Variants in ASPH observed in about 807,000 individuals in gnomAD.
ASPH encodes aspartate beta-hydroxylase, also known as aspartyl/asparaginyl beta-hydroxylase.
Under a neutral mutation model 118.4 loss-of-function variants are expected in ASPH, and 100 were observed. The ratio of observed to expected loss-of-function variants is 0.84; its 90% CI spans 0.72 to 1.00. The LOEUF (loss-of-function observed/expected upper bound fraction) is 1.00, where lower values mean the gene tolerates loss of function less well. Among genes scored for constraint, ASPH ranks in the 50% least tolerant of loss-of-function variants. The probability of loss-of-function intolerance (pLI) is 0.00; values close to 1 mark genes in which losing one functional copy is unlikely to be tolerated. For missense variants in ASPH, 920 were observed against 919.5 expected, an observed-to-expected ratio of 1.00 and a Z score of -0.01; for synonymous variants, 315 against 325.6, an observed-to-expected ratio of 0.97 and a Z score of 0.35.
At chr8:61,548,888 C>T (rs181784043) in intron 20 of ASPH, among the ~76,000 whole-genome samples, 2 of 152,284 alleles carry the variant, frequency 1.3e-5, no homozygotes, top group Non-Finnish European at 2.9e-5. Context: ...CATGATACTA[C>T]TTGCCTCCAA....
chr8:61,589,302 C>T (rs1487127759), intron 14 of ASPH, among the ~76,000 whole-genome samples: 1 of 152,138 alleles, frequency 6.6e-6, no homozygotes, highest in Non-Finnish European at 1.5e-5. Context: ...AGATAAGCTC[C>T]ATGATTCTCA....
intron 18 of ASPH, among the ~76,000 whole-genome samples, chr8:61,560,285 G>A (rs1829355084): frequency 6.6e-6 from 1 of 152,154 alleles, no homozygotes. Flanking sequence ...AATCCCAGGA[G>A]GGGCCGCAAA....
chr8:61,561,083 G>A (rs922916405), intron 18 of ASPH, among the ~76,000 whole-genome samples: 44 of 41,044 alleles, frequency 1.1e-3, no homozygotes, highest in Middle Eastern at 0.02. Flanking sequence ...AGAGAGGGAG[G>A]GAGGGAGGGA....
intron 13 of ASPH, among the ~76,000 whole-genome samples, chr8:61,629,386 G>A (rs909197677): frequency 6.6e-6 from 1 of 152,178 alleles, no homozygotes; most frequent in Non-Finnish European, 1.5e-5. Context: ...CATTTGTGTT[G>A]TGTATATTTA....
chr8:61,673,549 T>C (rs1246951616), intron 3 of ASPH, among the ~76,000 whole-genome samples: 1 of 152,156 alleles, frequency 6.6e-6, no homozygotes, highest in Non-Finnish European at 1.5e-5. Context: ...GTAAAGTAAA[T>C]ACAGTATAAC....
intron 13 of ASPH, chr8:61,624,268 T>A (rs1851956235): frequency 3.0e-6 from 3 of 985,338 alleles, no homozygotes; most frequent in South Asian, 9.4e-5. Flanking sequence ...CAGGGAATAA[T>A]CAAAACTTCT....
intron 3 of ASPH, among the ~76,000 whole-genome samples, chr8:61,672,791 T>G (rs1823267832): frequency 6.6e-6 from 1 of 152,210 alleles, no homozygotes; most frequent in African/African-American, 2.4e-5. Flanking sequence ...TCATTTAACT[T>G]ATGAAAATAA....
At chr8:61,703,092 G>A (rs913686794) in intron 1 of ASPH, among the ~76,000 whole-genome samples, 9 of 152,182 alleles carry the variant, frequency 5.9e-5, no homozygotes, top group African/African-American at 2.2e-4. Flanking sequence ...GGGACTTTGA[G>A]TGAGAAAAAG....
chr8:61,614,698 C>A (rs969746422), intron 14 of ASPH, among the ~76,000 whole-genome samples: 1 of 152,080 alleles, frequency 6.6e-6, no homozygotes, highest in East Asian at 1.9e-4. Flanking sequence ...CACTATGTGG[C>A]CCAGGCTGGC....
intron 20 of ASPH, among the ~76,000 whole-genome samples, chr8:61,551,843 T>C (rs148298534): frequency 6.6e-6 from 1 of 152,232 alleles, no homozygotes; most frequent in African/African-American, 2.4e-5. Context: ...AAAGGACTAC[T>C]AATCAGCAAT....
At position 61,702,453 on chromosome 8, in the gene ASPH, T is replaced by A. The variant is rs531927832; in HGVS notation, c.103+11816A>T. Among the ~76,000 whole-genome samples, 10 of 151,850 alleles carry A rather than the reference T, an allele frequency of 6.6e-5. No homozygotes were observed. In the East Asian group the frequency reaches 9.7e-4, roughly 15 times the overall value. On this transcript the variant is annotated intron_variant, in intron 1 of 24. Coordinates refer to ENST00000379454, the MANE Select transcript of ASPH (RefSeq NM_004318.4). Reference sequence around the variant, plus strand: ...GTGCCCGCCACCACACCCGGCTAATTTTTTTTGTATTTTTAGTAGAGACGG... The same window carrying A: ...GTGCCCGCCACCACACCCGGCTAATATTTTTTGTATTTTTAGTAGAGACGG...
chr8:61,611,795 A>G (rs1443776605), intron 14 of ASPH, among the ~76,000 whole-genome samples: 1 of 152,240 alleles, frequency 6.6e-6, no homozygotes, highest in Admixed American at 6.5e-5. Context: ...GACTTTAAAC[A>G]CAGCAATTAA....
At chr8:61,551,683 G>A (rs1826073934) in intron 20 of ASPH, among the ~76,000 whole-genome samples, 1 of 152,168 alleles carries the variant, frequency 6.6e-6, no homozygotes, top group South Asian at 2.1e-4. Context: ...ACTCTGAAAT[G>A]TTCAAAGATA....
chr8:61,664,516 A>G (rs985643819), intron 3 of ASPH: 3 of 985,100 alleles, frequency 3.0e-6, no homozygotes, highest in Non-Finnish European at 3.6e-6. Context: ...GCACATGGTA[A>G]GCACTAAGTA....
intron 19 of ASPH, among the ~76,000 whole-genome samples, 180 bp downstream of exon 19, chr8:61,555,744 G>C (rs1191657628): frequency 6.6e-6 from 1 of 152,188 alleles, no homozygotes; most frequent in Non-Finnish European, 1.5e-5. Flanking sequence ...CCTGACATCT[G>C]ACACTTTTGG....
chr8:61,643,325 A>C, intron 9 of ASPH, 61 bp downstream of exon 9: 6 of 1,513,004 alleles, frequency 4.0e-6, no homozygotes, highest in Non-Finnish European at 5.4e-6. Context: ...ATGTAAACAC[A>C]GCATGTGATT....
At chr8:61,589,172 G>A (rs1840355960) in intron 14 of ASPH, among the ~76,000 whole-genome samples, 1 of 152,120 alleles carries the variant, frequency 6.6e-6, no homozygotes, top group South Asian at 2.1e-4. Context: ...AGTTGTGGTG[G>A]ATAAAAGCTG....
chr8:61,553,228 G>T, intron 19 of ASPH, 108 bp from the exon 20 acceptor site: 1 of 795,192 alleles, frequency 1.3e-6, no homozygotes. Flanking sequence ...CTAAAAACCA[G>T]AAAAATATAT....
chr8:61,539,490 T>C (rs1351712432), intron 21 of ASPH, among the ~76,000 whole-genome samples: 3 of 152,126 alleles, frequency 2.0e-5, no homozygotes, highest in Non-Finnish European at 2.9e-5. Flanking sequence ...AATGCCCTGC[T>C]TGACCTCTCG....
Sources: allele counts gnomAD v4.1 joint callset (sites outside exome capture counted in the v4.1 genomes callset), GRCh38; gene constraint gnomAD v4.1.1; transcripts MANE v1.5; gene names NCBI Gene and HGNC (gene_info 2026-07-23, HGNC 2026-07-21).